Variants in RNF213 observed in about 807,000 individuals in gnomAD.
The protein encoded by RNF213 is E3 ubiquitin-protein ligase RNF213.
RNF213 carries 341 observed loss-of-function variants against 514.4 expected under a neutral mutation model. That is an observed-to-expected ratio of 0.66 (90% CI 0.61 to 0.73). The LOEUF is 0.73. Among genes scored for constraint, RNF213 ranks in the 30% least tolerant of loss-of-function variants. The pLI is 0.00. For missense variants in RNF213, 5,767 were observed against 6,615.6 expected, an observed-to-expected ratio of 0.87 and a Z score of 4.45; for synonymous variants, 2,655 against 2,658.2, an observed-to-expected ratio of 1.00 and a Z score of 0.04.
intron 10 of RNF213, among the ~76,000 whole-genome samples, chr17:80,297,398 C>T (rs1406141823): frequency 4.1e-5 from 6 of 147,364 alleles, no homozygotes; most frequent in African/African-American, 1.3e-4. Context: ...TGCAGTGAGC[C>T]GAGATTGTGC....
At chr17:80,272,291 AT>A (rs1478478113) in intron 2 of RNF213, among the ~76,000 whole-genome samples, 1 of 152,202 alleles carries the variant, frequency 6.6e-6, no homozygotes, top group Non-Finnish European at 1.5e-5. Context: ...CTCAAAAAAA[AT>A]AATAAAATAA....
chr17:80,327,919 C>G lies in RNF213; in HGVS notation c.3297C>G (p.Gly1099=). ...AAGTTGTTGGTGACCTCCTAAGTGG[C>G]ACGATTTTAGTTGGACAACTGGAGC... ...LTKVVGDLLS[G]TILVGQLELI... is the part of the protein sequence containing the mutation. Residue 1099 remains glycine (G), a synonymous_variant, in exon 19 of 68, where the codon GGC becomes GGG. Coordinates refer to ENST00000582970, the MANE Select transcript of RNF213 (RefSeq NM_001256071.3). The G allele has an allele frequency of 1.3e-6, 2 of 1,537,254 alleles. No homozygotes were observed. Among genetic ancestry groups the G allele is most frequent in the Non-Finnish European group, 1.7e-6 (2 of 1,146,916 alleles).
In RNF213 at chr17:80,336,572, T is replaced by C. The variant is rs191657226; in HGVS notation, c.4527+194T>C. ...GTTACCTAGAAAGCAGGATACAAAATTACATGACACATAGTAATCTCTAAG... is the reference window on the plus strand; with the variant it reads ...GTTACCTAGAAAGCAGGATACAAAACTACATGACACATAGTAATCTCTAAG... On this transcript the variant is annotated intron_variant, in intron 23 of 67. Coordinates refer to ENST00000582970, the MANE Select transcript of RNF213 (RefSeq NM_001256071.3). The C allele has an allele frequency of 3.1e-5, 21 of 674,860 alleles. No individual in the cohort carries two copies. The East Asian group carries it at 5.8e-4, about 19-fold the overall frequency. The allele number at this position is 674,860 out of a possible 1,614,324, so 41.8% of individuals were successfully genotyped here.
rs750793175 is a variant in RNF213 at position 80,358,445 on chromosome 17, C to G, written c.11020C>G (p.Leu3674Val). Reference sequence around the variant, plus strand: ...GATGTTTATTTTCAGTGACACGATGCTTCTGAACATTCCTCTTGTGATGAA... The same window carrying G: ...GATGTTTATTTTCAGTGACACGATGGTTCTGAACATTCCTCTTGTGATGAA... ...LWMFIFSDTM[L>V]LNIPLVMNNE... Residue 3674 changes from leucine (L) to valine (V), a missense_variant, in exon 37 of 68, where the codon CTT becomes GTT. Physicochemically the swap from Leu to Val is conservative, Grantham distance 32. This residue lies in a region of RNF213 where 919 missense variants were observed against 1,121.0 expected (regional missense o/e 0.82). Coordinates refer to ENST00000582970, the MANE Select transcript of RNF213 (RefSeq NM_001256071.3). 1.9e-6 allele frequency: 3 copies of G among 1,614,154 alleles called. No homozygotes were observed. The highest frequency in any genetic ancestry group is 2.5e-6 in the Non-Finnish European group (3 of 1,179,988).
intron 14 of RNF213, among the ~76,000 whole-genome samples, chr17:80,310,307 T>C (rs8081340): frequency 0.45 from 68,214 of 151,438 alleles, 17,739 homozygotes; most frequent in African/African-American, 0.73. Context: ...GGCTGGAGTG[T>C]AGTGGCGCCA....
chr17:80,372,378 A>AT (rs1418028470), intron 47 of RNF213, 143 bp from the exon 48 acceptor site: 4 of 677,210 alleles, frequency 5.9e-6, no homozygotes, highest in Non-Finnish European at 2.5e-6. Context: ...TTAGGTTTCC[A>AT]TAAGTCAAGA....
At chr17:80,308,904 A>G (rs1343928365) in intron 13 of RNF213, 114 bp from the exon 14 acceptor site, 1 of 1,323,642 alleles carries the variant, frequency 7.6e-7, no homozygotes, top group African/African-American at 1.4e-5. Flanking sequence ...GATAAGGTCA[A>G]ACAAATGCCC....
intron 15 of RNF213, 105 bp downstream of exon 15, chr17:80,313,272 C>A: frequency 1.4e-6 from 2 of 1,422,968 alleles, no homozygotes; most frequent in Non-Finnish European, 2.0e-6. Flanking sequence ...AGTTGTTGGC[C>A]TTCACCTGAG....
chr17:80,314,212 A>C (rs1300461606), intron 15 of RNF213, among the ~76,000 whole-genome samples: 1 of 110,618 alleles, frequency 9.0e-6, no homozygotes, highest in Non-Finnish European at 1.9e-5. Context: ...GAGGTAATGG[A>C]GGTGATGGTG....
At chr17:80,363,503 G>C in intron 40 of RNF213, 106 bp from the exon 41 acceptor site, 1 of 1,377,462 alleles carries the variant, frequency 7.3e-7, no homozygotes, top group Admixed American at 1.8e-5. Flanking sequence ...TGAAAGTTTA[G>C]GTCGCAAGCC....
At chr17:80,355,226 C>T (rs1287545984) in intron 36 of RNF213, 3 of 455,866 alleles carry the variant, frequency 6.6e-6, no homozygotes, top group African/African-American at 2.0e-5. Context: ...CCATGAGTCC[C>T]CTTCCAGGTC....
At chr17:80,289,022 G>T (rs1248550796) in intron 5 of RNF213, among the ~76,000 whole-genome samples, 1 of 152,194 alleles carries the variant, frequency 6.6e-6, no homozygotes, top group Non-Finnish European at 1.5e-5. Flanking sequence ...GGCCGGGCGA[G>T]GCCTCTCTTA....
intron 26 of RNF213, among the ~76,000 whole-genome samples, chr17:80,342,775 T>A (rs898016035): frequency 8.8e-5 from 13 of 147,572 alleles, no homozygotes; most frequent in Non-Finnish European, 1.5e-4. Context: ...ATATATATAT[T>A]TTTTGAGACA....
Position 80,353,588 on chromosome 17 carries a change from A to G in RNF213, c.10500A>G (p.Ala3500=). 4 of 1,613,544 alleles carry G rather than the reference A, an allele frequency of 2.5e-6. No individual in the cohort carries two copies. Among genetic ancestry groups the G allele is most frequent in the Non-Finnish European group, 3.4e-6 (4 of 1,179,526 alleles). Residue 3500 remains alanine, a synonymous_variant, in exon 34 of 68, where the codon GCA becomes GCG. Coordinates refer to ENST00000582970, the MANE Select transcript of RNF213 (RefSeq NM_001256071.3). This position sits in a 1 kb window ranked among gnomAD's most constrained non-coding sequence, Gnocchi z 5.0. Reference sequence around the variant, plus strand: ...AGGCCAGCACATCAGGGGAGGTGGCAGAGGTGGCAGAGGAGGCCATGGAAA... The same window carrying G: ...AGGCCAGCACATCAGGGGAGGTGGCGGAGGTGGCAGAGGAGGCCATGGAAA... ...ETEASTSGEV[A]EVAEEAMETE...
chr17:80,352,912 C>A, intron 32 of RNF213, 28 bp from the exon 33 acceptor site: 1 of 1,613,906 alleles, frequency 6.2e-7, no homozygotes, highest in South Asian at 1.1e-5. Context: ...GACACAAAGA[C>A]AGTTGTGGGT....
chr17:80,273,332 G>T lies in RNF213; in HGVS notation c.189G>T (p.Leu63Phe), dbSNP rs775717813. 2 of 1,613,450 alleles carry T rather than the reference G, an allele frequency of 1.2e-6. No individual in the cohort carries two copies. Among genetic ancestry groups the T allele is most frequent in the East Asian group, 4.5e-5 (2 of 44,896 alleles). ...TGAAGGAGGAAGGGGGCCCGTGCTTGTTCCCGGGCTCAGACAGTTGGCAAG... is the reference window on the plus strand; with the variant it reads ...TGAAGGAGGAAGGGGGCCCGTGCTTTTTCCCGGGCTCAGACAGTTGGCAAG... ...QELKEEGGPC[L>F]FPGSDSWQEN... is the part of the protein sequence containing the mutation. The change falls in exon 3 of 68, where the codon TTG becomes TTT. Residue 63 changes from leucine (L) to phenylalanine (F), a missense_variant. By Grantham distance (22) the Leu-to-Phe change is conservative (BLOSUM62 0). Coordinates refer to ENST00000582970, the MANE Select transcript of RNF213 (RefSeq NM_001256071.3).
chr17:80,386,552 C>G, intron 62 of RNF213, 122 bp downstream of exon 62: 3 of 1,393,396 alleles, frequency 2.2e-6, no homozygotes, highest in Non-Finnish European at 2.0e-6. Context: ...CAGCCGCCCC[C>G]ACCAGTGACC....
chr17:80,283,559 A>T lies in RNF213; in HGVS notation c.262-4256A>T, dbSNP rs758937818. 2.0e-5 allele frequency among the ~76,000 whole-genome samples: 3 copies of T among 152,010 alleles called. No individual in the cohort carries two copies. The East Asian group carries it at 5.8e-4, about 29-fold the overall frequency. On this transcript the variant is annotated intron_variant, in intron 3 of 67. Coordinates refer to ENST00000582970, the MANE Select transcript of RNF213 (RefSeq NM_001256071.3). Reference sequence around the variant, plus strand: ...CTCCAGCCTCCCCGGGCTCTGCCCAACCTCCGTGTGCTGCTGCTGCTGTTT... The same window carrying T: ...CTCCAGCCTCCCCGGGCTCTGCCCATCCTCCGTGTGCTGCTGCTGCTGTTT...
chr17:80,358,543 G>A (rs1244923690), intron 37 of RNF213, 64 bp downstream of exon 37: 1 of 1,444,524 alleles, frequency 6.9e-7, no homozygotes, highest in African/African-American at 1.4e-5. Flanking sequence ...ACCCTAATAT[G>A]CTCTCCCAAG....
Sources: gnomAD v4.1 joint callset for allele counts (sites outside exome capture counted in the v4.1 genomes callset) on GRCh38, gnomAD v4.1.1 for gene constraint, gnomAD v4.1.1 regional missense constraint, Gnocchi (gnomAD v3.1) non-coding constraint, MANE v1.5 for transcripts, NCBI Gene and HGNC (gene_info 2026-07-23, HGNC 2026-07-21) for gene names.